EXOC6: variants seen among roughly 807,000 people sequenced by gnomAD.
The protein encoded by EXOC6 is exocyst complex component 6, also known as SEC15-like 1.
In EXOC6, 60 loss-of-function variants were observed where a neutral mutation model predicts 112.5. The observed-to-expected ratio is 0.53, with a 90% confidence interval of 0.43 to 0.66. The LOEUF (loss-of-function observed/expected upper bound fraction) is 0.66. Among genes scored for constraint, EXOC6 ranks in the 30% least tolerant of loss-of-function variants. The pLI, the probability that EXOC6 is intolerant of heterozygous loss-of-function variation, is 0.00. For missense variants in EXOC6, 855 were observed against 957.1 expected, an observed-to-expected ratio of 0.89 and a Z score of 1.41; for synonymous variants, 295 against 308.0, an observed-to-expected ratio of 0.96 and a Z score of 0.44.
chr10:93,031,941 G>A (rs1016333818), intron 20 of EXOC6, among the ~76,000 whole-genome samples: 1 of 152,146 alleles, frequency 6.6e-6, no homozygotes, highest in Non-Finnish European at 1.5e-5. Context: ...TTAAGTCTGG[G>A]CTTCTCAATA....
intron 17 of EXOC6, among the ~76,000 whole-genome samples, chr10:92,965,500 C>G (rs1478131832): frequency 6.6e-6 from 1 of 152,110 alleles, no homozygotes; most frequent in Non-Finnish European, 1.5e-5. Context: ...GATATGCTGA[C>G]TAGAATGTCA....
upstream of EXOC6, among the ~76,000 whole-genome samples, chr10:92,832,294 T>C (rs1846511758): frequency 6.6e-6 from 1 of 152,216 alleles, no homozygotes; most frequent in Non-Finnish European, 1.5e-5. Context: ...TCTTTTTTTT[T>C]GAGACGGAGT....
intron 7 of EXOC6, among the ~76,000 whole-genome samples, chr10:92,917,777 A>T (rs1851188408): frequency 6.6e-6 from 1 of 152,060 alleles, no homozygotes; most frequent in African/African-American, 2.4e-5. Flanking sequence ...TTAGCCTCAA[A>T]TTATCCTCTC....
chr10:92,889,169 G>A (rs1050118778), intron 1 of EXOC6, among the ~76,000 whole-genome samples: 2 of 152,014 alleles, frequency 1.3e-5, no homozygotes, highest in African/African-American at 4.8e-5. Flanking sequence ...CTTGTTTAAC[G>A]AGGATTTGGT....
intron 18 of EXOC6, among the ~76,000 whole-genome samples, chr10:92,991,450 A>AC (rs1335215515): frequency 2.0e-5 from 3 of 151,802 alleles, no homozygotes; most frequent in African/African-American, 7.3e-5. Flanking sequence ...AAAAAAAAAA[A>AC]AAACAAAAGT....
intron 9 of EXOC6, among the ~76,000 whole-genome samples, chr10:92,929,888 C>T (rs1305024954): frequency 6.6e-6 from 1 of 152,086 alleles, no homozygotes; most frequent in Non-Finnish European, 1.5e-5. Flanking sequence ...GAGGATAGAG[C>T]AAATGAGACT....
chr10:92,873,004 A>G (rs1848521577), intron 1 of EXOC6, among the ~76,000 whole-genome samples: 1 of 152,178 alleles, frequency 6.6e-6, no homozygotes, highest in Admixed American at 6.5e-5. Context: ...GTTTTCTGGG[A>G]AAGCAGTCTA....
At chr10:92,978,918 T>C (rs998993594) in intron 18 of EXOC6, among the ~76,000 whole-genome samples, 2 of 152,162 alleles carry the variant, frequency 1.3e-5, no homozygotes, top group African/African-American at 2.4e-5. Context: ...GTTTTGGTAG[T>C]GTTCAGGAAC....
intron 5 of EXOC6, among the ~76,000 whole-genome samples, chr10:92,908,614 C>A (rs1190773367): frequency 6.6e-6 from 1 of 152,168 alleles, no homozygotes; most frequent in East Asian, 1.9e-4. Flanking sequence ...AATATGGTTT[C>A]TTGGCTAAAT....
chr10:92,882,236 T>C (rs1396893084), intron 1 of EXOC6, among the ~76,000 whole-genome samples: 1 of 152,114 alleles, frequency 6.6e-6, no homozygotes, highest in Admixed American at 6.6e-5. Context: ...AGCAAACCTT[T>C]TGTGCATTTA....
intron 18 of EXOC6, among the ~76,000 whole-genome samples, chr10:92,980,899 C>T (rs937416528): frequency 3.9e-5 from 6 of 152,074 alleles, no homozygotes; most frequent in Non-Finnish European, 7.4e-5. Context: ...TGGTGGCGGG[C>T]ACCTGTAATT....
chr10:92,955,807 A>G (rs565571377), intron 17 of EXOC6, 93 bp downstream of exon 17: 16 of 1,152,708 alleles, frequency 1.4e-5, no homozygotes, highest in African/African-American at 7.8e-5. Flanking sequence ...AAGATCTACT[A>G]TATTCCTAAA....
At chr10:92,851,180 AG>A (rs1255320317) in intron 1 of EXOC6, among the ~76,000 whole-genome samples, 1 of 152,236 alleles carries the variant, frequency 6.6e-6, no homozygotes, top group Non-Finnish European at 1.5e-5. Flanking sequence ...CTAAGAAACT[AG>A]GAAAAGAGGA....
intron 17 of EXOC6, among the ~76,000 whole-genome samples, chr10:92,973,004 C>T (rs925082020): frequency 2.6e-5 from 4 of 152,150 alleles, no homozygotes; most frequent in Admixed American, 6.5e-5. Context: ...GTTGACCTAT[C>T]GTTTGTCCCA....
intron 5 of EXOC6, chr10:92,899,957 A>G (rs1411807091): frequency 8.5e-6 from 2 of 235,954 alleles, no homozygotes; most frequent in Non-Finnish European, 1.6e-5. Context: ...CTAAGTGCAT[A>G]TTGTGGAAGG....
At chr10:92,999,791 C>T (rs985028770) in intron 19 of EXOC6, among the ~76,000 whole-genome samples, 7 of 152,012 alleles carry the variant, frequency 4.6e-5, no homozygotes, top group South Asian at 2.1e-4. Context: ...GCACCTCTGC[C>T]TCCTGGGTTC....
intron 20 of EXOC6, among the ~76,000 whole-genome samples, chr10:93,043,948 C>T (rs1189797461): frequency 1.3e-5 from 2 of 152,182 alleles, no homozygotes; most frequent in Non-Finnish European, 2.9e-5. Context: ...TTTTGAAGTT[C>T]ATGTGGCTAC....
At chr10:93,036,131 T>C (rs779894131) in intron 20 of EXOC6, among the ~76,000 whole-genome samples, 8 of 150,754 alleles carry the variant, frequency 5.3e-5, no homozygotes, top group African/African-American at 1.2e-4. Context: ...GGCAGGAGAA[T>C]CACTTGAGCC....
intron 1 of EXOC6, among the ~76,000 whole-genome samples, chr10:92,861,483 A>G (rs561178877): frequency 6.6e-6 from 1 of 152,132 alleles, no homozygotes; most frequent in Admixed American, 6.5e-5. Flanking sequence ...TGGGAGGATG[A>G]AGGAGGGCTG....
Sources: allele counts gnomAD v4.1 joint callset (sites outside exome capture counted in the v4.1 genomes callset), GRCh38; gene constraint gnomAD v4.1.1; transcripts MANE v1.5; gene names NCBI Gene and HGNC (gene_info 2026-07-23, HGNC 2026-07-21).